FIGN: variants seen among roughly 807,000 people sequenced by gnomAD.
FIGN encodes fidgetin, microtubule severing factor.
FIGN carries 11 observed loss-of-function variants against 51.3 expected under a neutral mutation model. The ratio of observed to expected loss-of-function variants is 0.21; its 90% confidence interval spans 0.13 to 0.35. The LOEUF is 0.35. Ranked by LOEUF, FIGN falls within the 10% of genes least tolerant of loss-of-function variation. FIGN has a pLI of 1.00. For missense variants in FIGN, 857 were observed against 943.6 expected (o/e 0.91, Z 1.20); for synonymous variants, 407 against 363.2 (o/e 1.12, Z -1.37).
At chr2:163,682,436 A>G (rs753878464) in intron 2 of FIGN, among the ~76,000 whole-genome samples, 1 of 152,238 alleles carries the variant, frequency 6.6e-6, no homozygotes, top group Non-Finnish European at 1.5e-5. Flanking sequence ...TGGAGGAGAT[A>G]TAAAAGGAGG....
intron 2 of FIGN, among the ~76,000 whole-genome samples, chr2:163,669,746 A>G (rs1683845546): frequency 2.0e-5 from 3 of 152,214 alleles, no homozygotes; most frequent in Admixed American, 2.0e-4. Flanking sequence ...AATCTGCCAA[A>G]CAAACTCCCA....
At position 163,608,146 on chromosome 2, in the gene FIGN, G is replaced by A. The variant is rs1418791936; in HGVS notation, c.*1406C>T. Reference sequence around the variant, plus strand: ...TCCAAGAGAAATGTAACAAAACTGAGGTAGAAATAAAGCAGGAGCACTACA... The same window carrying A: ...TCCAAGAGAAATGTAACAAAACTGAAGTAGAAATAAAGCAGGAGCACTACA... On this transcript the variant is annotated 3_prime_UTR_variant, in exon 3 of 3. Coordinates refer to ENST00000333129, the MANE Select transcript of FIGN (RefSeq NM_018086.4). 1 of 152,518 alleles carries A rather than the reference G, an allele frequency of 6.6e-6. No individual in the cohort carries two copies. The highest frequency in any genetic ancestry group is 1.5e-5 in the Non-Finnish European group (1 of 68,024). 9.4% of individuals were successfully genotyped at this position (152,518 alleles called of 1,614,324 possible). A position where few individuals can be genotyped will look rare whatever the true frequency, so the allele number is the denominator to read the frequency against.
intron 2 of FIGN, chr2:163,617,397 T>G (rs1202488364): frequency 9.7e-6 from 2 of 206,716 alleles, no homozygotes; most frequent in Non-Finnish European, 1.7e-5. Context: ...CCATTTTCTA[T>G]AAGGTGATGA....
At chr2:163,720,437 A>G (rs1684739352) in intron 2 of FIGN, among the ~76,000 whole-genome samples, 2 of 152,212 alleles carry the variant, frequency 1.3e-5, no homozygotes, top group Admixed American at 6.5e-5. Context: ...ATTCTAATCA[A>G]AAGAGTCCAT....
chr2:163,624,070 ATGAG>A (rs1683015526), intron 2 of FIGN, among the ~76,000 whole-genome samples: 3 of 40,844 alleles, frequency 7.3e-5, no homozygotes, highest in Non-Finnish European at 3.2e-4. Context: ...ATGATTTGAT[ATGAG>A]GTTACCTGTT....
intron 2 of FIGN, among the ~76,000 whole-genome samples, chr2:163,633,427 T>C (rs1683178624): frequency 6.6e-6 from 1 of 152,292 alleles, no homozygotes; most frequent in East Asian, 1.9e-4. Context: ...AGAGATTAAG[T>C]AACTTGGCCA....
Position 163,659,279 on chromosome 2 carries a change from T to G in FIGN, c.26-47473A>C, listed in dbSNP as rs142436851. Among the ~76,000 whole-genome samples the G allele has an allele frequency of 4.3e-3, 656 of 152,302 alleles. 9 individuals are homozygous for G. Among genetic ancestry groups the G allele is most frequent in the Non-Finnish European group, 5.1e-3 (344 of 68,014 alleles). On this transcript the variant is annotated intron_variant, in intron 2 of 2. Coordinates refer to ENST00000333129, the MANE Select transcript of FIGN (RefSeq NM_018086.4). ...TCTGGAAGAGCCTCTGGAAGAAATT[T>G]GAAAGGCACACTGTTCTATTATCAT...
intron 2 of FIGN, among the ~76,000 whole-genome samples, chr2:163,651,449 C>T (rs893189526): frequency 6.6e-6 from 1 of 152,060 alleles, no homozygotes; most frequent in African/African-American, 2.4e-5. Context: ...CAGTGAGACT[C>T]CATCTCAAAA....
chr2:163,629,193 G>A (rs1006807156), intron 2 of FIGN, among the ~76,000 whole-genome samples: 1 of 152,156 alleles, frequency 6.6e-6, no homozygotes, highest in Non-Finnish European at 1.5e-5. Flanking sequence ...ATGAGGATTG[G>A]AAAGGCATTT....
intron 2 of FIGN, among the ~76,000 whole-genome samples, chr2:163,707,220 G>A (rs185352413): frequency 6.6e-6 from 1 of 152,050 alleles, no homozygotes. Flanking sequence ...ATGGTGGCAT[G>A]TGCCTGTAAT....
chr2:163,662,267 A>G lies in FIGN; in HGVS notation c.26-50461T>C, dbSNP rs115723932. Among the ~76,000 whole-genome samples the G allele has an allele frequency of 8.8e-3, 1,344 of 152,124 alleles. 29 individuals carry two copies. Among genetic ancestry groups the G allele is most frequent in the African/African-American group, 0.031 (1,282 of 41,490 alleles). On this transcript the variant is annotated intron_variant, in intron 2 of 2. Transcript: ENST00000333129. ...GTGGCATTTTGTGCCTGCCCTAGAG[A>G]TCTGTGGAATTTTGAACTTGAGAGA...
At chr2:163,656,124 A>G (rs1683555739) in intron 2 of FIGN, among the ~76,000 whole-genome samples, 1 of 152,188 alleles carries the variant, frequency 6.6e-6, no homozygotes, top group African/African-American at 2.4e-5. Context: ...AAGACTCTTA[A>G]GGTTTAAAAT....
chr2:163,688,250 A>T (rs16848793), intron 2 of FIGN, among the ~76,000 whole-genome samples: 5,192 of 152,242 alleles, frequency 0.034, 137 homozygotes, highest in East Asian at 0.099. Context: ...ATCCAATGAG[A>T]CCTATCGTGT....
At chr2:163,687,025 AC>A (rs1273175379) in intron 2 of FIGN, among the ~76,000 whole-genome samples, 2 of 152,222 alleles carry the variant, frequency 1.3e-5, no homozygotes, top group Non-Finnish European at 2.9e-5. Context: ...ACACACACAC[AC>A]ACACACACAT....
At chr2:163,658,416 A>C (rs1217703192) in intron 2 of FIGN, among the ~76,000 whole-genome samples, 1 of 134,164 alleles carries the variant, frequency 7.5e-6, no homozygotes, top group Non-Finnish European at 1.6e-5. Flanking sequence ...TCTCGGTCTT[A>C]GTCTGTTTGT....
At position 163,655,668 on chromosome 2, in the gene FIGN, C is replaced by G. The variant is rs536276840; in HGVS notation, c.26-43862G>C. ...TCCAGACTCCTGAGGCTGATGCTAT[C>G]TCTCTCCCACATATATCTTAGTTTC... On this transcript the variant is annotated intron_variant, in intron 2 of 2. Transcript: ENST00000333129. Among the ~76,000 whole-genome samples the G allele has an allele frequency of 3.3e-5, 5 of 152,124 alleles. No individual in the cohort carries two copies. In the East Asian group the frequency reaches 9.7e-4, roughly 29 times the overall value.
intron 2 of FIGN, among the ~76,000 whole-genome samples, chr2:163,626,042 T>C (rs1017122643): frequency 5.0e-4 from 76 of 152,294 alleles, no homozygotes; most frequent in African/African-American, 1.8e-3. Context: ...CCTCACAAGC[T>C]TCACGACTCC....
intron 2 of FIGN, among the ~76,000 whole-genome samples, chr2:163,683,819 C>A (rs1684102409): frequency 6.6e-6 from 1 of 152,060 alleles, no homozygotes; most frequent in African/African-American, 2.4e-5. Context: ...AATGGCAGGC[C>A]TAGAGAACAT....
intron 2 of FIGN, among the ~76,000 whole-genome samples, chr2:163,642,862 C>G (rs1204552590): frequency 6.6e-6 from 1 of 151,954 alleles, no homozygotes; most frequent in Non-Finnish European, 1.5e-5. Context: ...CTGAAAACTA[C>G]AAAATGTTAT....
Sources: gnomAD v4.1 joint callset for allele counts (sites outside exome capture counted in the v4.1 genomes callset) on GRCh38, gnomAD v4.1.1 for gene constraint, MANE v1.5 for transcripts, NCBI Gene and HGNC (gene_info 2026-07-23, HGNC 2026-07-21) for gene names.